MGST2: variants seen among roughly 807,000 people sequenced by gnomAD.
MGST2 encodes the protein microsomal glutathione S-transferase 2.
In MGST2, 9 loss-of-function variants were observed where a neutral mutation model predicts 16.6. That is an observed-to-expected ratio of 0.54 (90% CI 0.33 to 0.95). The LOEUF (loss-of-function observed/expected upper bound fraction) is 0.95, where lower values mean the gene tolerates loss of function less well. Among genes scored for constraint, MGST2 ranks in the 40% least tolerant of loss-of-function variants. The pLI, the probability that MGST2 is intolerant of heterozygous loss-of-function variation, is 0.03. For missense variants in MGST2, 159 were observed against 175.1 expected, an observed-to-expected ratio of 0.91 and a Z score of 0.52; for synonymous variants, 79 against 68.0, an observed-to-expected ratio of 1.16 and a Z score of -0.79.
chr4:139,739,427 CT>C (rs1729075779), intron 5 of MGST2, among the ~76,000 whole-genome samples: 1 of 152,210 alleles, frequency 6.6e-6, no homozygotes, highest in Admixed American at 6.5e-5. Flanking sequence ...GAGAGTTATG[CT>C]TTTCGTCTGC....
intron 2 of MGST2, among the ~76,000 whole-genome samples, chr4:139,684,458 C>T (rs1731440068): frequency 6.6e-6 from 1 of 152,132 alleles, no homozygotes. Flanking sequence ...GCAGAGAGAT[C>T]TGAATAAAGG....
chr4:139,727,624 A>G (rs1728528052), intron 5 of MGST2, among the ~76,000 whole-genome samples: 1 of 152,212 alleles, frequency 6.6e-6, no homozygotes, highest in Non-Finnish European at 1.5e-5. Flanking sequence ...GAATGTTTCT[A>G]AGTTCTGTCT....
intron 5 of MGST2, among the ~76,000 whole-genome samples, chr4:139,727,178 A>G (rs76218689): frequency 0.014 from 2,140 of 152,296 alleles, 53 homozygotes; most frequent in African/African-American, 0.048. Context: ...AAGGCCAGCC[A>G]GTATTCTGGC....
chr4:139,693,419 A>G (rs1022261315), intron 2 of MGST2, among the ~76,000 whole-genome samples: 40 of 151,974 alleles, frequency 2.6e-4, no homozygotes, highest in African/African-American at 9.4e-4. Flanking sequence ...AAAAAAAAAA[A>G]AAAAAGAAAT....
intron 5 of MGST2, among the ~76,000 whole-genome samples, chr4:139,713,631 T>C (rs917609329): frequency 9.8e-5 from 15 of 152,370 alleles, no homozygotes; most frequent in Admixed American, 8.5e-4. Flanking sequence ...AGCTGACTTC[T>C]AACCATAGTG....
the MGST2 span, among the ~76,000 whole-genome samples, chr4:139,749,589 A>G: frequency 3.9e-5 from 6 of 152,234 alleles, no homozygotes; most frequent in Admixed American, 3.9e-4. Context: ...CTGGAAAGAC[A>G]TGAGTCTGTC....
Position 139,665,848 on chromosome 4 carries a change from C to A in MGST2, c.-172C>A. The A allele has an allele frequency of 1.4e-6, 1 of 703,914 alleles. No homozygotes were observed. The highest frequency in any genetic ancestry group is 2.6e-6 in the Non-Finnish European group (1 of 391,460). 43.6% of individuals were successfully genotyped at this position (703,914 alleles called of 1,614,324 possible). ...AGATCTGTGACCGGCAGCCCCAGACCTGCCTGCCTTCCTGACTTCTGTTCC... is the reference window on the plus strand; with the variant it reads ...AGATCTGTGACCGGCAGCCCCAGACATGCCTGCCTTCCTGACTTCTGTTCC... On this transcript the variant is annotated 5_prime_UTR_variant, in exon 1 of 5. It adds an upstream start codon to the 5' untranslated region. Transcript: ENST00000265498.
At chr4:139,743,634 C>G (rs1729230346), downstream of MGST2, among the ~76,000 whole-genome samples, 1 of 152,168 alleles carries the variant, frequency 6.6e-6, no homozygotes, top group African/African-American at 2.4e-5. Context: ...AACTTGAAAT[C>G]TGTCTCAGAT....
chr4:139,748,614 C>T, the MGST2 span, among the ~76,000 whole-genome samples: 3 of 152,004 alleles, frequency 2.0e-5, no homozygotes, highest in East Asian at 5.8e-4. Flanking sequence ...GCTCAGTCCC[C>T]CAAATCAGGA....
intron 1 of MGST2, among the ~76,000 whole-genome samples, chr4:139,674,452 G>T (rs1215037231): frequency 6.6e-6 from 1 of 151,658 alleles, no homozygotes; most frequent in Non-Finnish European, 1.5e-5. Context: ...TGGGTAAATT[G>T]TGAGGGAGCT....
At chr4:139,667,315 G>C (rs1175736784) in intron 1 of MGST2, among the ~76,000 whole-genome samples, 1 of 152,170 alleles carries the variant, frequency 6.6e-6, no homozygotes, top group African/African-American at 2.4e-5. Flanking sequence ...GCAGGTCTAA[G>C]GCTCACTGTT....
chr4:139,693,797 T>C (rs965450463), intron 2 of MGST2, among the ~76,000 whole-genome samples: 3 of 152,212 alleles, frequency 2.0e-5, no homozygotes, highest in Admixed American at 1.3e-4. Context: ...TTTTGGGTGG[T>C]AATGGCCACA....
chr4:139,720,173 A>G (rs769404559), intron 5 of MGST2: 2 of 1,614,056 alleles, frequency 1.2e-6, no homozygotes, highest in Non-Finnish European at 1.7e-6. Flanking sequence ...GGCCAGTCCC[A>G]TCTCCGACTG....
chr4:139,695,334 A>G, intron 3 of MGST2, 67 bp downstream of exon 3: 1 of 1,342,634 alleles, frequency 7.4e-7, no homozygotes, highest in Non-Finnish European at 1.1e-6. Flanking sequence ...TAAGGAGTAG[A>G]TATATGGCCA....
intron 4 of MGST2, among the ~76,000 whole-genome samples, chr4:139,703,806 T>C (rs2110909179): frequency 6.6e-6 from 1 of 152,376 alleles, no homozygotes; most frequent in Middle Eastern, 3.4e-3. Context: ...TAATCCTGCC[T>C]AGCCTTGATA....
Position 139,713,473 on chromosome 4 carries a change from C to CAAA in MGST2, c.*48+9278_*48+9279insAAA, listed in dbSNP as rs1217817783. Among the ~76,000 whole-genome samples, 16 of 4,116 alleles carry CAAA rather than the reference C, an allele frequency of 3.9e-3. 3 individuals carry two copies. The highest frequency in any genetic ancestry group is 0.013 in the Admixed American group (3 of 226). The allele number at this position is 4,116 out of a possible 152,430, so 2.7% of individuals were successfully genotyped here. ...CGTGTGTTCATTAAGAGTGGCAAGA[C>CAAA]AGAAAAAAAAAAAAAAAAAAAAAAG... On this transcript the variant is annotated intron_variant, in intron 5 of 5. Transcript: ENST00000616265.
intron 2 of MGST2, among the ~76,000 whole-genome samples, chr4:139,683,371 G>A (rs1731369903): frequency 6.6e-6 from 1 of 152,154 alleles, no homozygotes; most frequent in East Asian, 1.9e-4. Flanking sequence ...CCCAAAGGAT[G>A]GCCTTGCGAT....
At chr4:139,704,265 A>G, downstream of MGST2, 2 of 1,285,012 alleles carry the variant, frequency 1.6e-6, no homozygotes, top group South Asian at 2.5e-5. Flanking sequence ...GGCTTTGTAG[A>G]AACACACACT....
At chr4:139,711,580 C>T (rs1727743457) in intron 5 of MGST2, among the ~76,000 whole-genome samples, 2 of 152,098 alleles carry the variant, frequency 1.3e-5, no homozygotes, top group Admixed American at 1.3e-4. Context: ...AGAGGAAGAC[C>T]AGAGGTCACT....
Sources: gnomAD v4.1 joint callset for allele counts (sites outside exome capture counted in the v4.1 genomes callset) on GRCh38, gnomAD v4.1.1 for gene constraint, MANE v1.5 for transcripts, NCBI Gene and HGNC (gene_info 2026-07-23, HGNC 2026-07-21) for gene names.